SDCCAG8: variants seen among roughly 807,000 people sequenced by gnomAD.
SDCCAG8 encodes SHH signaling and ciliogenesis regulator SDCCAG8.
Under a neutral mutation model 101.8 loss-of-function variants are expected in SDCCAG8, and 74 were observed. That is an observed-to-expected ratio of 0.73 (90% CI 0.60 to 0.88). SDCCAG8 has a LOEUF of 0.88. Ranked by LOEUF, SDCCAG8 falls within the 40% of genes least tolerant of loss-of-function variation. SDCCAG8 has a pLI of 0.00. For missense variants in SDCCAG8, 787 were observed against 822.6 expected (o/e 0.96, Z 0.53); for synonymous variants, 281 against 292.9 (o/e 0.96, Z 0.41).
rs1436198149 is a variant in SDCCAG8, at chr1:243,316,693, G to A, written c.930-62G>A. On this transcript the variant is annotated intron_variant, in intron 8 of 17. Coordinates refer to ENST00000366541, the MANE Select transcript of SDCCAG8 (RefSeq NM_006642.5). ...TACATATTAATGCTTTTCTCTCCCT[G>A]ACTTATGAGGACAGGATCGTTTGAT... 3.7e-6 allele frequency: 6 copies of A among 1,605,428 alleles called. No homozygotes were observed. In the African/African-American group the frequency reaches 4.0e-5, roughly 11 times the overall value.
intron 13 of SDCCAG8, among the ~76,000 whole-genome samples, chr1:243,386,949 C>T (rs1394630971): frequency 6.6e-6 from 1 of 152,078 alleles, no homozygotes; most frequent in Non-Finnish European, 1.5e-5. Context: ...TACTTTACTC[C>T]CTTACTTAAT....
rs57724631 is a variant in SDCCAG8, at chr1:243,486,202, CAAAAAAAAAAA to C, written c.1986-2794_1986-2784del. 8.1e-4 allele frequency among the ~76,000 whole-genome samples: 50 copies of C among 61,424 alleles called. 1 individual carries two copies. In the South Asian group the frequency reaches 0.024, roughly 30 times the overall value. The allele number at this position is 61,424 out of a possible 152,430, so 40.3% of individuals were successfully genotyped here. A position where few individuals can be genotyped will look rare whatever the true frequency, so the allele number is the denominator to read the frequency against. On this transcript the variant is annotated intron_variant, in intron 16 of 17. Transcript: ENST00000366541. ...GGCAACAAGAGCAAAACTCTGCCTCCAAAAAAAAAAAAAAAAAAAAAAAAAAAATCTCTTTT... is the reference window on the plus strand; with the variant it reads ...GGCAACAAGAGCAAAACTCTGCCTCCAAAAAAAAAAAAAAAAATCTCTTTT...
At chr1:243,418,150 T>C (rs2080736569) in intron 15 of SDCCAG8, 74 bp downstream of exon 15, 17 of 1,018,090 alleles carry the variant, frequency 1.7e-5, no homozygotes, top group Non-Finnish European at 2.6e-5. Context: ...AAAAACATCA[T>C]TTGCACTGTT....
At chr1:243,465,987 ACT>A (rs1225845671) in intron 16 of SDCCAG8, among the ~76,000 whole-genome samples, 7 of 152,056 alleles carry the variant, frequency 4.6e-5, no homozygotes, top group African/African-American at 1.7e-4. Context: ...GCAGACTCTC[ACT>A]CTCTATCTTA....
chr1:243,296,721 A>G (rs1380680240), intron 6 of SDCCAG8, among the ~76,000 whole-genome samples: 1 of 148,458 alleles, frequency 6.7e-6, no homozygotes, highest in Non-Finnish European at 1.5e-5. Context: ...TTTTTTTTGT[A>G]TTTTTAGTAG....
intron 12 of SDCCAG8, among the ~76,000 whole-genome samples, chr1:243,375,062 A>T (rs1028708109): frequency 6.6e-6 from 1 of 152,292 alleles, no homozygotes; most frequent in Non-Finnish European, 1.5e-5. Flanking sequence ...ATTTTTCATA[A>T]TCATTATAAT....
chr1:243,323,641 C>T (rs2073934010), intron 9 of SDCCAG8, among the ~76,000 whole-genome samples: 1 of 152,208 alleles, frequency 6.6e-6, no homozygotes, highest in Admixed American at 6.5e-5. Context: ...AGACATCTCA[C>T]AACAGTTGTC....
Position 243,435,824 on chromosome 1 carries a change from C to T in SDCCAG8, c.1985+9266C>T, listed in dbSNP as rs141560671. 3.3e-4 allele frequency among the ~76,000 whole-genome samples: 50 copies of T among 151,862 alleles called. No individual in the cohort carries two copies. The East Asian group carries it at 9.7e-3, about 29-fold the overall frequency. On this transcript the variant is annotated intron_variant, in intron 16 of 17. Coordinates refer to ENST00000366541, the MANE Select transcript of SDCCAG8 (RefSeq NM_006642.5). ...AAAATTTCAAGAGGGATATATCTAT[C>T]TAGTTGCTTCTTTACAATCGTATTT... is the stretch of plus-strand genomic sequence containing the variant.
intron 16 of SDCCAG8, among the ~76,000 whole-genome samples, chr1:243,469,851 T>C (rs1478008689): frequency 1.3e-5 from 2 of 149,442 alleles, no homozygotes; most frequent in Admixed American, 6.7e-5. Flanking sequence ...TTTTTTTTTT[T>C]AGTCTTCTAA....
chr1:243,426,428 T>A lies in SDCCAG8; in HGVS notation c.1855T>A (p.Ser619Thr). Residue 619 changes from serine to threonine, a missense_variant and splice_region_variant, in exon 16 of 18, where the codon TCT (serine) becomes ACT (threonine). Coordinates refer to ENST00000366541, the MANE Select transcript of SDCCAG8 (RefSeq NM_006642.5). ...KLEQISQKTR[S>T]EIAQLSQEKR... ...TTATTTTTGTGTTTTCACCTCTAGA[T>A]CTGAAATAGCTCAACTCAGTCAAGA... The A allele has an allele frequency of 6.2e-7, 1 of 1,612,892 alleles. No homozygotes were observed. Among genetic ancestry groups the A allele is most frequent in the Non-Finnish European group, 8.5e-7 (1 of 1,179,060 alleles).
intron 13 of SDCCAG8, among the ~76,000 whole-genome samples, chr1:243,386,791 A>C (rs547993896): frequency 2.1e-5 from 3 of 139,752 alleles, no homozygotes; most frequent in African/African-American, 8.9e-5. Flanking sequence ...GAGAGAGAGA[A>C]AGAAAGAAAG....
intron 12 of SDCCAG8, among the ~76,000 whole-genome samples, chr1:243,356,122 TATA>T (rs1371996929): frequency 6.6e-6 from 1 of 152,226 alleles, no homozygotes; most frequent in Non-Finnish European, 1.5e-5. Flanking sequence ...CAAGGTTTTA[TATA>T]ATAAGAACCA....
chr1:243,349,885 C>T (rs2075985894), intron 12 of SDCCAG8, among the ~76,000 whole-genome samples: 1 of 150,602 alleles, frequency 6.6e-6, no homozygotes, highest in South Asian at 2.1e-4. Flanking sequence ...GTTGTGGCTA[C>T]TACTGAGTAG....
intron 16 of SDCCAG8, among the ~76,000 whole-genome samples, chr1:243,486,648 G>T (rs955324118): frequency 1.3e-5 from 2 of 152,230 alleles, no homozygotes; most frequent in Non-Finnish European, 2.9e-5. Flanking sequence ...CTGTGAGAGC[G>T]GCTTTGGCCC....
rs988242499 is a variant in SDCCAG8 at position 243,293,432 on chromosome 1, C to T, written c.675+213C>T. On this transcript the variant is annotated intron_variant, in intron 6 of 17. Coordinates refer to ENST00000366541, the MANE Select transcript of SDCCAG8 (RefSeq NM_006642.5). ...GATCATCTCAAACAAAAAGTCTGGACGTATTAAACAATATCTCCATTCCCC... is the reference window on the plus strand; with the variant it reads ...GATCATCTCAAACAAAAAGTCTGGATGTATTAAACAATATCTCCATTCCCC... 3.2e-5 allele frequency: 22 copies of T among 679,172 alleles called. No homozygotes were observed. The highest frequency in any genetic ancestry group is 1.2e-4 in the African/African-American group (7 of 56,688). 42.1% of individuals were successfully genotyped at this position (679,172 alleles called of 1,614,324 possible).
intron 1 of SDCCAG8, among the ~76,000 whole-genome samples, chr1:243,260,216 T>A (rs1366090412): frequency 6.6e-6 from 1 of 152,224 alleles, no homozygotes; most frequent in African/African-American, 2.4e-5. Flanking sequence ...TAGTAAATGG[T>A]CTGAAAGTTT....
intron 11 of SDCCAG8, 152 bp from the exon 12 acceptor site, chr1:243,344,063 C>G (rs2075548993): frequency 4.6e-6 from 3 of 652,266 alleles, no homozygotes; most frequent in Non-Finnish European, 5.6e-6. Context: ...TCTTAACAAG[C>G]TACGTTGAAT....
intron 17 of SDCCAG8, among the ~76,000 whole-genome samples, chr1:243,495,449 G>A (rs1667574718): frequency 6.6e-6 from 1 of 152,224 alleles, no homozygotes; most frequent in Non-Finnish European, 1.5e-5. Flanking sequence ...ACTGCGGTGT[G>A]GAGGCTGTTA....
intron 13 of SDCCAG8, among the ~76,000 whole-genome samples, chr1:243,405,593 T>C (rs1002732153): frequency 8.5e-5 from 13 of 152,186 alleles, no homozygotes; most frequent in Admixed American, 2.6e-4. Flanking sequence ...TTATGAACCT[T>C]AATTATTAAG....
Sources: gnomAD v4.1 joint callset for allele counts (sites outside exome capture counted in the v4.1 genomes callset) on GRCh38, gnomAD v4.1.1 for gene constraint, MANE v1.5 for transcripts, NCBI Gene and HGNC (gene_info 2026-07-23, HGNC 2026-07-21) for gene names.